SEMA3A: variants seen among roughly 807,000 people sequenced by gnomAD.
The protein encoded by SEMA3A is semaphorin-3A.
A neutral mutation model predicts 97.9 loss-of-function variants in SEMA3A; 29 were observed. That is an observed-to-expected ratio of 0.30 (90% confidence interval 0.22 to 0.40). The LOEUF is 0.40. SEMA3A is among the 10% of genes least tolerant of loss of function. The pLI is 1.00. For synonymous variants in SEMA3A, 321 were observed against 323.7 expected, an observed-to-expected ratio of 0.99 and a Z score of 0.09; for missense variants, 763 against 951.3, an observed-to-expected ratio of 0.80 and a Z score of 2.60.
intron 11 of SEMA3A, among the ~76,000 whole-genome samples, chr7:84,002,909 T>C (rs1438828085): frequency 6.6e-6 from 1 of 152,152 alleles, no homozygotes; most frequent in East Asian, 1.9e-4. Flanking sequence ...TTAAAAGTTA[T>C]TAATTTTCCA....
Position 84,256,818 on chromosome 7 carries a change from T to G in SEMA3A, c.-83+50389A>C, listed in dbSNP as rs116083413. ...GTATTCTAAACCCTATAATGACTTTTCTCTCTGAGTGGAAACTTGATTGTG... is the reference window on the plus strand; with the variant it reads ...GTATTCTAAACCCTATAATGACTTTGCTCTCTGAGTGGAAACTTGATTGTG... On this transcript the variant is annotated intron_variant, in intron 3 of 3. Coordinates refer to the SEMA3A transcript ENST00000424555. 7.8e-3 allele frequency among the ~76,000 whole-genome samples: 1,192 copies of G among 152,194 alleles called. 15 individuals carry two copies. The highest frequency in any genetic ancestry group is 0.027 in the African/African-American group (1,122 of 41,556).
At chr7:84,330,576 T>TA (rs1180894976) in intron 2 of SEMA3A, among the ~76,000 whole-genome samples, 1 of 152,102 alleles carries the variant, frequency 6.6e-6, no homozygotes, top group Non-Finnish European at 1.5e-5. Flanking sequence ...TCATCTCTTA[T>TA]CACTGGAAGG....
chr7:84,099,349 C>T (rs1332422888), intron 4 of SEMA3A, among the ~76,000 whole-genome samples: 1 of 55,036 alleles, frequency 1.8e-5, no homozygotes, highest in Non-Finnish European at 6.3e-5. Flanking sequence ...GGATTACAGG[C>T]GTGAGCCACC....
intron 2 of SEMA3A, among the ~76,000 whole-genome samples, chr7:84,359,748 T>G (rs897042877): frequency 1.3e-5 from 2 of 152,158 alleles, no homozygotes; most frequent in Non-Finnish European, 2.9e-5. Flanking sequence ...GTAGAATTCA[T>G]CTGTGAATCC....
intron 1 of SEMA3A, among the ~76,000 whole-genome samples, chr7:84,147,453 C>G (rs1338005015): frequency 6.6e-6 from 1 of 152,142 alleles, no homozygotes; most frequent in Non-Finnish European, 1.5e-5. Flanking sequence ...ATATTCCTAT[C>G]AGTGTTCATG....
At chr7:84,018,749 T>C (rs1454928088) in intron 6 of SEMA3A, among the ~76,000 whole-genome samples, 2 of 152,044 alleles carry the variant, frequency 1.3e-5, no homozygotes, top group East Asian at 1.9e-4. Context: ...TCAGAAATGA[T>C]GACAGTAAGT....
chr7:84,419,476 G>T (rs1804527213), intron 1 of SEMA3A, among the ~76,000 whole-genome samples: 1 of 151,796 alleles, frequency 6.6e-6, no homozygotes, highest in Non-Finnish European at 1.5e-5. Flanking sequence ...GAAAAGCAAT[G>T]GGTATACTTC....
chr7:84,006,901 A>G (rs1439895312), intron 10 of SEMA3A, among the ~76,000 whole-genome samples: 3 of 152,144 alleles, frequency 2.0e-5, no homozygotes, highest in Non-Finnish European at 4.4e-5. Flanking sequence ...TAATACAACA[A>G]TATAACAGTT....
intron 3 of SEMA3A, among the ~76,000 whole-genome samples, chr7:84,244,723 C>T (rs1166327074): frequency 1.3e-5 from 2 of 152,008 alleles, no homozygotes; most frequent in Non-Finnish European, 2.9e-5. Context: ...GTGGCTGTTA[C>T]CAGTTTTTCC....
upstream of SEMA3A, among the ~76,000 whole-genome samples, chr7:84,199,994 A>T (rs1446014041): frequency 2.0e-5 from 3 of 152,014 alleles, no homozygotes; most frequent in Non-Finnish European, 4.4e-5. Context: ...TGAGAGAAGG[A>T]ATTGATAAAA....
chr7:84,318,714 A>G (rs1311998656), intron 2 of SEMA3A, among the ~76,000 whole-genome samples: 2 of 152,158 alleles, frequency 1.3e-5, no homozygotes, highest in African/African-American at 4.8e-5. Context: ...ATATTGCTCA[A>G]TAATATTTTT....
chr7:84,010,952 CA>C, intron 9 of SEMA3A, 69 bp downstream of exon 9: 1 of 1,195,060 alleles, frequency 8.4e-7, no homozygotes, highest in South Asian at 1.4e-5. Flanking sequence ...TATACTTTTG[CA>C]AATTATGAGT....
chr7:84,456,942 A>G (rs181317045), intron 1 of SEMA3A, among the ~76,000 whole-genome samples: 18 of 151,944 alleles, frequency 1.2e-4, no homozygotes, highest in African/African-American at 4.1e-4. Context: ...TGCTAATGTC[A>G]GCTAATAAGC....
At chr7:83,961,884 C>G in intron 16 of SEMA3A, 58 bp from the exon 17 acceptor site, 1 of 1,295,210 alleles carries the variant, frequency 7.7e-7, no homozygotes, top group Non-Finnish European at 1.1e-6. Flanking sequence ...AATAGAAGCT[C>G]TGAAACTCCG....
chr7:83,972,670 C>A (rs2116290519), intron 15 of SEMA3A, among the ~76,000 whole-genome samples: 1 of 152,120 alleles, frequency 6.6e-6, no homozygotes. Flanking sequence ...ATCCTTATAA[C>A]TTTTGGAATA....
intron 1 of SEMA3A, among the ~76,000 whole-genome samples, chr7:84,402,553 A>C (rs1186684850): frequency 3.9e-5 from 6 of 152,194 alleles, no homozygotes; most frequent in South Asian, 2.1e-4. Context: ...TCCCATGTTT[A>C]TTGCAGCACT....
intron 12 of SEMA3A, among the ~76,000 whole-genome samples, chr7:83,989,609 T>A (rs1257417776): frequency 7.7e-6 from 1 of 129,750 alleles, no homozygotes; most frequent in Non-Finnish European, 1.6e-5. Context: ...AGAATGATGA[T>A]TTCCAATTTC....
chr7:84,337,849 T>C (rs1802075107), intron 2 of SEMA3A, among the ~76,000 whole-genome samples: 1 of 152,100 alleles, frequency 6.6e-6, no homozygotes, highest in Non-Finnish European at 1.5e-5. Context: ...AACAAAAGCA[T>C]ACATAATTGC....
intron 4 of SEMA3A, among the ~76,000 whole-genome samples, chr7:84,067,232 A>C (rs1436657030): frequency 1.3e-5 from 2 of 152,132 alleles, no homozygotes; most frequent in Non-Finnish European, 2.9e-5. Flanking sequence ...TAGAAAGCTG[A>C]AACTGGATCC....
Sources: gnomAD v4.1 joint callset for allele counts (sites outside exome capture counted in the v4.1 genomes callset) on GRCh38, gnomAD v4.1.1 for gene constraint, MANE v1.5 for transcripts, NCBI Gene and HGNC (gene_info 2026-07-23, HGNC 2026-07-21) for gene names.